Variants in WWOX observed in about 807,000 individuals in gnomAD.
WWOX encodes WW domain containing oxidoreductase.
WWOX carries 69 observed loss-of-function variants against 46.2 expected under a neutral mutation model. The ratio of observed to expected loss-of-function variants is 1.49; its 90% CI spans 1.23 to 1.82. The LOEUF (loss-of-function observed/expected upper bound fraction) is 1.82. Among genes scored for constraint, WWOX ranks in the 40% most tolerant of loss-of-function variants. WWOX has a pLI of 0.00. For missense variants in WWOX, 919 were observed against 542.6 expected, an observed-to-expected ratio of 1.69 and a Z score of -6.89; for synonymous variants, 359 against 202.6, an observed-to-expected ratio of 1.77 and a Z score of -6.56.
intron 8 of WWOX, among the ~76,000 whole-genome samples, chr16:79,136,611 A>C (rs2049986336): frequency 6.6e-6 from 1 of 152,188 alleles, no homozygotes; most frequent in South Asian, 2.1e-4. Flanking sequence ...AGCAGAGGAA[A>C]GCTACCTGCC....
At position 78,760,806 on chromosome 16, in the gene WWOX, C is replaced by G. The variant is rs1322147455; in HGVS notation, c.1056+328054C>G. ...TTCACTCTGCTGATAAAGACATACC[C>G]AAGACTGTGCAATTTACAAAAGAAA... On this transcript the variant is annotated intron_variant, in intron 8 of 8. Transcript: ENST00000566780. Among the ~76,000 whole-genome samples, 4 of 152,162 alleles carry G rather than the reference C, an allele frequency of 2.6e-5. 1 individual carries two copies. The highest frequency in any genetic ancestry group is 5.9e-5 in the Non-Finnish European group (4 of 68,030).
intron 5 of WWOX, among the ~76,000 whole-genome samples, chr16:78,229,506 C>G (rs867795556): frequency 6.9e-5 from 8 of 116,390 alleles, no homozygotes; most frequent in Non-Finnish European, 1.4e-4. Context: ...TTATCTATAT[C>G]TATATAGAGA....
At chr16:78,900,960 C>G (rs368316103) in intron 8 of WWOX, among the ~76,000 whole-genome samples, 1 of 152,028 alleles carries the variant, frequency 6.6e-6, no homozygotes, top group African/African-American at 2.4e-5. Context: ...ATTAATCTCT[C>G]TAGAAGGGTA....
At chr16:78,613,341 G>C (rs903116726) in intron 8 of WWOX, among the ~76,000 whole-genome samples, 1 of 152,070 alleles carries the variant, frequency 6.6e-6, no homozygotes, top group African/African-American at 2.4e-5. Context: ...TGCGTGATTT[G>C]TCCCCATGCT....
At chr16:78,370,329 G>T (rs1486511971) in intron 5 of WWOX, among the ~76,000 whole-genome samples, 1 of 152,088 alleles carries the variant, frequency 6.6e-6, no homozygotes, top group Non-Finnish European at 1.5e-5. Context: ...AAATTCATAT[G>T]TAAGTGTTCT....
At chr16:78,493,444 A>G (rs1407431238) in intron 8 of WWOX, among the ~76,000 whole-genome samples, 2 of 152,204 alleles carry the variant, frequency 1.3e-5, no homozygotes, top group Non-Finnish European at 1.5e-5. Flanking sequence ...AGCTAGGTCC[A>G]CCTGTGTGAG....
chr16:79,075,330 A>C (rs1473866370), intron 8 of WWOX, among the ~76,000 whole-genome samples: 1 of 152,178 alleles, frequency 6.6e-6, no homozygotes, highest in Non-Finnish European at 1.5e-5. Flanking sequence ...CCGGCAGATC[A>C]CAGGAAGGGA....
chr16:79,179,451 C>T (rs151233759), intron 8 of WWOX, among the ~76,000 whole-genome samples: 7 of 152,322 alleles, frequency 4.6e-5, no homozygotes, highest in East Asian at 3.9e-4. Context: ...CAGTATGTGA[C>T]GCCTGGCAGC....
At chr16:78,842,459 C>T (rs140389933) in intron 8 of WWOX, among the ~76,000 whole-genome samples, 27 of 151,896 alleles carry the variant, frequency 1.8e-4, no homozygotes, top group African/African-American at 4.6e-4. Context: ...GCTAGGATCA[C>T]GCTACTTTAC....
intron 5 of WWOX, among the ~76,000 whole-genome samples, chr16:78,224,872 T>C (rs895047054): frequency 2.6e-5 from 4 of 152,242 alleles, no homozygotes; most frequent in Non-Finnish European, 5.9e-5. Context: ...TTATTTTTTA[T>C]TGATGTGTTA....
intron 8 of WWOX, among the ~76,000 whole-genome samples, chr16:78,937,776 C>T (rs1265249673): frequency 1.3e-5 from 2 of 151,840 alleles, no homozygotes; most frequent in African/African-American, 2.4e-5. Flanking sequence ...AGGCACATGC[C>T]ACCATGCCTG....
chr16:78,193,195 G>A (rs1435524163), intron 5 of WWOX, among the ~76,000 whole-genome samples: 1 of 152,238 alleles, frequency 6.6e-6, no homozygotes, highest in African/African-American at 2.4e-5. Flanking sequence ...AAGACCAACA[G>A]CCAAGACCAA....
At chr16:78,939,814 G>C (rs538505813) in intron 8 of WWOX, among the ~76,000 whole-genome samples, 1 of 152,052 alleles carries the variant, frequency 6.6e-6, no homozygotes, top group African/African-American at 2.4e-5. Flanking sequence ...CCTCCCTTCC[G>C]TCATCCTTCA....
rs147680199 is a variant in WWOX at position 78,835,028 on chromosome 16, A to C, written c.1057-376580A>C. Among the ~76,000 whole-genome samples, 596 of 152,194 alleles carry C rather than the reference A, an allele frequency of 3.9e-3. 3 individuals carry two copies. The highest frequency in any genetic ancestry group is 0.012 in the African/African-American group (504 of 41,528). ...TTCTTTTTTGTTCAATTTCCACTCAAATTTTTAAAGGGGTTTGGAGGGCGT... is the reference window on the plus strand; with the variant it reads ...TTCTTTTTTGTTCAATTTCCACTCACATTTTTAAAGGGGTTTGGAGGGCGT... On this transcript the variant is annotated intron_variant, in intron 8 of 8. Coordinates refer to ENST00000566780, the MANE Select transcript of WWOX (RefSeq NM_016373.4).
At chr16:78,625,273 G>A (rs1597365485) in intron 8 of WWOX, among the ~76,000 whole-genome samples, 1 of 152,140 alleles carries the variant, frequency 6.6e-6, no homozygotes, top group African/African-American at 2.4e-5. Flanking sequence ...CAGTCCCTCT[G>A]TGGTTCCCCT....
At chr16:78,492,292 A>C (rs1027499924) in intron 8 of WWOX, among the ~76,000 whole-genome samples, 19 of 151,954 alleles carry the variant, frequency 1.3e-4, no homozygotes, top group African/African-American at 4.4e-4. Context: ...TGTATGTGCA[A>C]ACTGTATAAT....
chr16:78,530,342 A>T (rs565214337), intron 8 of WWOX, among the ~76,000 whole-genome samples: 390 of 152,308 alleles, frequency 2.6e-3, no homozygotes, highest in Middle Eastern at 0.01. Context: ...ACGAGGTCTC[A>T]TGAGCAAATT....
At chr16:78,883,830 C>T (rs949223195) in intron 8 of WWOX, among the ~76,000 whole-genome samples, 1 of 152,044 alleles carries the variant, frequency 6.6e-6, no homozygotes. Flanking sequence ...TCTGTGTACT[C>T]TGTTTGTAAG....
At chr16:78,885,110 C>T (rs956140241) in intron 8 of WWOX, among the ~76,000 whole-genome samples, 3 of 151,978 alleles carry the variant, frequency 2.0e-5, no homozygotes, top group African/African-American at 4.8e-5. Flanking sequence ...AATAACATCT[C>T]TGTTAGTTTG....
Sources: allele counts gnomAD v4.1 joint callset (sites outside exome capture counted in the v4.1 genomes callset), GRCh38; gene constraint gnomAD v4.1.1; transcripts MANE v1.5; gene names NCBI Gene and HGNC (gene_info 2026-07-23, HGNC 2026-07-21).